SNX33: variants seen among roughly 807,000 people sequenced by gnomAD.
SNX33 encodes the protein sorting nexin-33.
In SNX33, 19 loss-of-function variants were observed where a neutral mutation model predicts 38.8. The ratio of observed to expected loss-of-function variants is 0.49; its 90% CI spans 0.34 to 0.72. The LOEUF (loss-of-function observed/expected upper bound fraction) is 0.72. Among genes scored for constraint, SNX33 ranks in the 30% least tolerant of loss-of-function variants. The pLI is 0.01. For missense variants in SNX33, 641 were observed against 776.4 expected, an observed-to-expected ratio of 0.83 and a Z score of 2.07; for synonymous variants, 246 against 289.7, an observed-to-expected ratio of 0.85 and a Z score of 1.53.
rs771099361 is a variant in SNX33 at position 75,649,227 on chromosome 15, A to T, written c.125A>T (p.Gln42Leu). ...TCACTGGATGGCTGGCTGCAGGGCC[A>T]GAACAGCCGTGGGGAGACAGGGCTC... The part of the protein sequence containing the change: ...ETSLDGWLQG[Q>L]NSRGETGLFP... Residue 42 changes from glutamine (Q) to leucine (L), a missense_variant, in exon 1 of 2, where the codon CAG becomes CTG. Physicochemically the swap from Gln to Leu is moderately radical, Grantham distance 113. This residue lies in a region of SNX33 where 243 missense variants were observed against 233.9 expected (regional missense o/e 1.04). Transcript: ENST00000308527. The surrounding 1 kb of genome is among the most constrained non-coding windows in gnomAD (Gnocchi z 6.6). 6.2e-7 allele frequency: 1 copy of T among 1,614,136 alleles called. No homozygotes were observed. The highest frequency in any genetic ancestry group is 1.7e-5 in the Admixed American group (1 of 60,016).
In SNX33 at chr15:75,649,405, C is replaced by T; in HGVS notation, c.303C>T (p.Gly101=). The T allele has an allele frequency of 6.5e-7, 1 of 1,541,338 alleles. No individual in the cohort carries two copies. The highest frequency in any genetic ancestry group is 8.8e-7 in the Non-Finnish European group (1 of 1,141,810). The part of the protein sequence containing the change: ...ASPARSGGGS[G]FLSNQGSFEE... ...CAGCTAGGAGTGGTGGGGGCAGTGGCTTCCTCTCAAACCAGGGTAGCTTTG... is the reference window on the plus strand; with the variant it reads ...CAGCTAGGAGTGGTGGGGGCAGTGGTTTCCTCTCAAACCAGGGTAGCTTTG... The change falls in exon 1 of 2, where the codon GGC becomes GGT. Residue 101 remains glycine, a synonymous_variant. Coordinates refer to ENST00000308527, the MANE Select transcript of SNX33 (RefSeq NM_153271.2). The surrounding 1 kb of genome is among the most constrained non-coding windows in gnomAD (Gnocchi z 6.6).
rs368502863 is a variant in SNX33 at position 75,649,712 on chromosome 15, A to G, written c.610A>G (p.Met204Val). Residue 204 changes from methionine to valine, a missense_variant, in exon 1 of 2, where the codon ATG becomes GTG. Physicochemically the swap from Met to Val is conservative, Grantham distance 21. Coordinates refer to ENST00000308527, the MANE Select transcript of SNX33 (RefSeq NM_153271.2). This position sits in a 1 kb window ranked among gnomAD's most constrained non-coding sequence, Gnocchi z 6.6. Reference protein sequence around the residue: ...VEAFILGDVPMMAKIAETYSI... With the variant: ...VEAFILGDVPVMAKIAETYSI... ...GGCCTTCATCCTGGGTGATGTGCCC[A>G]TGATGGCCAAGATCGCTGAGACATA... is the stretch of plus-strand genomic sequence containing the variant. The G allele has an allele frequency of 2.1e-5, 33 of 1,548,066 alleles. No individual in the cohort carries two copies. The highest frequency in any genetic ancestry group is 1.7e-4 in the Middle Eastern group (1 of 5,786).
At position 75,649,106 on chromosome 15, in the gene SNX33, G is replaced by A. The variant is rs1893534909; in HGVS notation, c.4G>A (p.Ala2Thr). The A allele has an allele frequency of 1.9e-6, 3 of 1,585,794 alleles. No individual in the cohort carries two copies. Among genetic ancestry groups the A allele is most frequent in the African/African-American group, 2.7e-5 (2 of 74,410 alleles). ...TTCTATACCACCCAGCCCAGCCATG[G>A]CACTGAAAGGCCGAGCCCTCTATGA... M[A>T]LKGRALYDFH... The change falls in exon 1 of 2, where the codon GCA becomes ACA. Residue 2 changes from alanine (A) to threonine (T), a missense_variant. Transcript: ENST00000308527. This position sits in a 1 kb window ranked among gnomAD's most constrained non-coding sequence, Gnocchi z 6.6.
chr15:75,652,907 GAGA>G (rs1007401734), intron 1 of SNX33, among the ~76,000 whole-genome samples: 10 of 152,198 alleles, frequency 6.6e-5, no homozygotes, highest in Admixed American at 6.5e-5. Flanking sequence ...TCAAAGAAAA[GAGA>G]AGAACAGTTG....
Position 75,648,967 on chromosome 15 carries a change from C to A in SNX33, c.-136C>A. 1 of 1,137,078 alleles carries A rather than the reference C, an allele frequency of 8.8e-7. No homozygotes were observed. Among genetic ancestry groups the A allele is most frequent in the Non-Finnish European group, 1.2e-6 (1 of 824,174 alleles). 70.4% of individuals were successfully genotyped at this position (1,137,078 alleles called of 1,614,324 possible). A position where few individuals can be genotyped will look rare whatever the true frequency, so the allele number is the denominator to read the frequency against. ...TGGACAGCATCTGTGGGTGCTGAGA[C>A]CCCACCTTAGGACCTGAGAGATTGA... On this transcript the variant is annotated 5_prime_UTR_variant, in exon 1 of 2. Coordinates refer to ENST00000308527, the MANE Select transcript of SNX33 (RefSeq NM_153271.2). The surrounding 1 kb of genome is among the most constrained non-coding windows in gnomAD (Gnocchi z 4.4).
rs754979056 is a variant in SNX33, at chr15:75,656,984, G to A, written c.1494G>A (p.Glu498=). 1 of 1,613,496 alleles carries A rather than the reference G, an allele frequency of 6.2e-7. No homozygotes were observed. Among genetic ancestry groups the A allele is most frequent in the Non-Finnish European group, 8.5e-7 (1 of 1,179,576 alleles). ...CAGGCGCCTTCGCCAAGGTGAAGGAGAGCCAACGCATGAGTGACGAGGGCC... is the reference window on the plus strand; with the variant it reads ...CAGGCGCCTTCGCCAAGGTGAAGGAAAGCCAACGCATGAGTGACGAGGGCC... The part of the protein sequence containing the change: ...LQKGAFAKVK[E]SQRMSDEGRM... Residue 498 remains glutamate (E), a synonymous_variant, in exon 2 of 2, where the codon GAG becomes GAA. Coordinates refer to ENST00000308527, the MANE Select transcript of SNX33 (RefSeq NM_153271.2).
Position 75,658,067 on chromosome 15 carries a change from T to C in SNX33, c.*852T>C, listed in dbSNP as rs1164796319. On this transcript the variant is annotated 3_prime_UTR_variant, in exon 2 of 2. Transcript: ENST00000308527. This position sits in a 1 kb window ranked among gnomAD's most constrained non-coding sequence, Gnocchi z 4.1. ...GTAGGCCTCTGACTCCCCTCCACTT[T>C]TGGGCCCTCAGCTTATCTCGGGCAG... is the stretch of plus-strand genomic sequence containing the variant. 1 of 152,574 alleles carries C rather than the reference T, an allele frequency of 6.6e-6. No individual in the cohort carries two copies. The highest frequency in any genetic ancestry group is 2.4e-5 in the African/African-American group (1 of 41,386). 9.5% of individuals were successfully genotyped at this position (152,574 alleles called of 1,614,324 possible).
intron 1 of SNX33, among the ~76,000 whole-genome samples, chr15:75,652,231 A>C (rs1326701030): frequency 2.0e-5 from 3 of 151,964 alleles, no homozygotes; most frequent in Non-Finnish European, 4.4e-5. Flanking sequence ...ACTCCTGGGG[A>C]GGGTATGGCT....
rs11072554 is a variant in SNX33 at position 75,660,272 on chromosome 15, A to G, written c.*3057A>G. On this transcript the variant is annotated 3_prime_UTR_variant, in exon 2 of 2. Coordinates refer to ENST00000308527, the MANE Select transcript of SNX33 (RefSeq NM_153271.2). ...ACAGATGGGGGCTGGGGATGGAAGC[A>G]GACCTCAGATCCTGCATCTCTTCAC... The G allele has an allele frequency of 0.9, 136,728 of 152,306 alleles. 61,958 individuals carry two copies. Among genetic ancestry groups the G allele is most frequent in the African/African-American group, 0.97 (40,341 of 41,544 alleles). 9.4% of individuals were successfully genotyped at this position (152,306 alleles called of 1,614,324 possible). A position where few individuals can be genotyped will look rare whatever the true frequency, so the allele number is the denominator to read the frequency against.
chr15:75,652,204 G>A (rs1893593138), intron 1 of SNX33, among the ~76,000 whole-genome samples: 2 of 152,148 alleles, frequency 1.3e-5, no homozygotes, highest in African/African-American at 4.8e-5. Flanking sequence ...GGCCTTCAAG[G>A]GAGTGGGTGG....
intron 1 of SNX33, among the ~76,000 whole-genome samples, chr15:75,652,137 C>T (rs531357690): frequency 3.9e-5 from 6 of 152,138 alleles, no homozygotes; most frequent in African/African-American, 1.4e-4. Context: ...CTTTGCCCCT[C>T]TGGGCCTTAG....
chr15:75,650,009 A>G lies in SNX33; in HGVS notation c.907A>G (p.Ile303Val). 4 of 1,601,114 alleles carry G rather than the reference A, an allele frequency of 2.5e-6. No individual in the cohort carries two copies. The highest frequency in any genetic ancestry group is 3.4e-6 in the Non-Finnish European group (4 of 1,174,322). The change falls in exon 1 of 2, where the codon ATC becomes GTC. Residue 303 changes from isoleucine to valine, a missense_variant. Transcript: ENST00000308527. This position sits in a 1 kb window ranked among gnomAD's most constrained non-coding sequence, Gnocchi z 6.1. ...QATGRFEEDF[I>V]EKRKRRLILW... ...CACTGGCCGCTTCGAGGAGGACTTC[A>G]TCGAAAAGCGGAAGCGGAGACTCAT...
chr15:75,657,418 C>G lies in SNX33; in HGVS notation c.*203C>G. ...TTCCCCACTCCTTAGAAGTGGGGCA[C>G]AGCAGGGGTGAGAATAGAGTCAGGA... is the stretch of plus-strand genomic sequence containing the variant. On this transcript the variant is annotated 3_prime_UTR_variant, in exon 2 of 2. Coordinates refer to ENST00000308527, the MANE Select transcript of SNX33 (RefSeq NM_153271.2). The surrounding 1 kb of genome is among the most constrained non-coding windows in gnomAD (Gnocchi z 5.5). 1 of 828,002 alleles carries G rather than the reference C, an allele frequency of 1.2e-6. No individual in the cohort carries two copies. Among genetic ancestry groups the G allele is most frequent in the South Asian group, 1.8e-5 (1 of 56,568 alleles). 51.3% of individuals were successfully genotyped at this position (828,002 alleles called of 1,614,324 possible). A position where few individuals can be genotyped will look rare whatever the true frequency, so the allele number is the denominator to read the frequency against.
In SNX33 at chr15:75,649,577, C is replaced by T. The variant is rs757817318; in HGVS notation, c.475C>T (p.Arg159Trp). ...CTACCCCAGCCAGCACATGGCCTTC[C>T]GGCCCAAGCCACCACTGGAGCGGCA... ...GAYPSQHMAF[R>W]PKPPLERQDS... The change falls in exon 1 of 2, where the codon CGG becomes TGG. Residue 159 changes from arginine (R) to tryptophan (W), a missense_variant. By Grantham distance (101) the Arg-to-Trp change is moderately radical. Coordinates refer to ENST00000308527, the MANE Select transcript of SNX33 (RefSeq NM_153271.2). This position sits in a 1 kb window ranked among gnomAD's most constrained non-coding sequence, Gnocchi z 6.6. 29 of 1,613,674 alleles carry T rather than the reference C, an allele frequency of 1.8e-5. No homozygotes were observed. The highest frequency in any genetic ancestry group is 1.2e-4 in the Admixed American group (7 of 59,966).
chr15:75,650,119 G>C lies in SNX33; in HGVS notation c.1017G>C (p.Lys339Asn). Residue 339 changes from lysine to asparagine, a missense_variant, in exon 1 of 2, where the codon AAG (lysine) becomes AAC (asparagine). Lys to Asn is a moderately conservative substitution (Grantham distance 94, BLOSUM62 0). This residue lies in a region of SNX33 where 398 missense variants were observed against 542.5 expected (regional missense o/e 0.73). Coordinates refer to ENST00000308527, the MANE Select transcript of SNX33 (RefSeq NM_153271.2). The surrounding 1 kb of genome is among the most constrained non-coding windows in gnomAD (Gnocchi z 6.1). The part of the protein sequence containing the change: ...FQHFLSCLDD[K>N]QWKMGKRRAE... ...ATTTCCTCAGCTGCCTGGATGACAAGCAGTGGAAGATGGGCAAACGCCGGG... is the reference window on the plus strand; with the variant it reads ...ATTTCCTCAGCTGCCTGGATGACAACCAGTGGAAGATGGGCAAACGCCGGG... 6.2e-7 allele frequency: 1 copy of C among 1,614,142 alleles called. No homozygotes were observed. The highest frequency in any genetic ancestry group is 8.5e-7 in the Non-Finnish European group (1 of 1,180,012).
intron 1 of SNX33, among the ~76,000 whole-genome samples, chr15:75,656,372 T>G (rs1893652223): frequency 6.6e-6 from 1 of 151,944 alleles, no homozygotes; most frequent in African/African-American, 2.4e-5. Context: ...TGGGGGTCAG[T>G]GTGGAATGCG....
chr15:75,649,459 C>T lies in SNX33; in HGVS notation c.357C>T (p.Asp119=). The T allele has an allele frequency of 6.5e-7, 1 of 1,537,154 alleles. No individual in the cohort carries two copies. Among genetic ancestry groups the T allele is most frequent in the South Asian group, 1.3e-5 (1 of 78,962 alleles). The part of the protein sequence containing the change: ...FEEDDDDDWD[D]WDDGCTVVEE... ...AGGATGATGATGATGACTGGGATGA[C>T]TGGGACGACGGATGCACAGTGGTGG... The change falls in exon 1 of 2, where the codon GAC becomes GAT. Residue 119 remains aspartate, a synonymous_variant. Transcript: ENST00000308527. This position sits in a 1 kb window ranked among gnomAD's most constrained non-coding sequence, Gnocchi z 6.6.
chr15:75,648,274 TAGAAGTCGCCCGAC>T lies in SNX33; in HGVS notation c.-826_-813del. On this transcript the variant is annotated 5_prime_UTR_variant, in exon 1 of 2. Transcript: ENST00000308527. This position sits in a 1 kb window ranked among gnomAD's most constrained non-coding sequence, Gnocchi z 4.4. The stretch of plus-strand genomic sequence containing the variant: ...CAAAAGAGACCACTCAGCGAGTGGC[TAGAAGTCGCCCGAC>T]AGCCTCGTCGCGCCCCCTCCTTCCT... 1 of 985,222 alleles carries T rather than the reference TAGAAGTCGCCCGAC, an allele frequency of 1.0e-6. No individual in the cohort carries two copies. The highest frequency in any genetic ancestry group is 1.2e-6 in the Non-Finnish European group (1 of 829,892). 61.0% of individuals were successfully genotyped at this position (985,222 alleles called of 1,614,324 possible).
rs1893668100 is a variant in SNX33, at chr15:75,657,417, A to G, written c.*202A>G. On this transcript the variant is annotated 3_prime_UTR_variant, in exon 2 of 2. Coordinates refer to ENST00000308527, the MANE Select transcript of SNX33 (RefSeq NM_153271.2). This position sits in a 1 kb window ranked among gnomAD's most constrained non-coding sequence, Gnocchi z 5.5. The stretch of plus-strand genomic sequence containing the variant: ...ATTCCCCACTCCTTAGAAGTGGGGC[A>G]CAGCAGGGGTGAGAATAGAGTCAGG... 1 of 834,438 alleles carries G rather than the reference A, an allele frequency of 1.2e-6. No homozygotes were observed. The highest frequency in any genetic ancestry group is 1.7e-5 in the African/African-American group (1 of 58,146). The allele number at this position is 834,438 out of a possible 1,614,324, so 51.7% of individuals were successfully genotyped here.
Sources: gnomAD v4.1 joint callset for allele counts (sites outside exome capture counted in the v4.1 genomes callset) on GRCh38, gnomAD v4.1.1 for gene constraint, gnomAD v4.1.1 regional missense constraint, Gnocchi (gnomAD v3.1) non-coding constraint, MANE v1.5 for transcripts, NCBI Gene and HGNC (gene_info 2026-07-23, HGNC 2026-07-21) for gene names.